Variants in TNIK observed in about 807,000 individuals in gnomAD.
TNIK encodes the protein TRAF2 and NCK interacting kinase, also known as TRAF2 and NCK-interacting protein kinase.
Under a neutral mutation model 191.3 loss-of-function variants are expected in TNIK, and 49 were observed. The ratio of observed to expected loss-of-function variants is 0.26; its 90% CI spans 0.20 to 0.32. The LOEUF is 0.32. TNIK is among the 10% of genes least tolerant of loss of function. The pLI is 1.00. For missense variants in TNIK, 1,155 were observed against 1,702.3 expected, an observed-to-expected ratio of 0.68 and a Z score of 5.66; for synonymous variants, 594 against 600.9, an observed-to-expected ratio of 0.99 and a Z score of 0.17.
chr3:171,390,041 G>A (rs1719264276), intron 1 of TNIK, among the ~76,000 whole-genome samples: 1 of 152,148 alleles, frequency 6.6e-6, no homozygotes, highest in Non-Finnish European at 1.5e-5. Flanking sequence ...GTGACAAGGT[G>A]GTCCTGACTA....
intron 1 of TNIK, among the ~76,000 whole-genome samples, chr3:171,450,193 C>T (rs1203480058): frequency 1.3e-5 from 2 of 152,126 alleles, no homozygotes; most frequent in African/African-American, 4.8e-5. Context: ...CTACAGGTGG[C>T]CTCTTTGCAC....
chr3:171,136,165 A>G (rs1293235849), intron 15 of TNIK, among the ~76,000 whole-genome samples: 1 of 152,200 alleles, frequency 6.6e-6, no homozygotes, highest in Non-Finnish European at 1.5e-5. Context: ...ATCTTTTCCA[A>G]TGGGATCTGT....
intron 12 of TNIK, among the ~76,000 whole-genome samples, chr3:171,150,768 C>T (rs951701217): frequency 1.3e-5 from 2 of 152,150 alleles, no homozygotes; most frequent in Non-Finnish European, 2.9e-5. Context: ...GCCAGGACTG[C>T]AGGCTAACTC....
At chr3:171,428,974 C>T (rs1725002967) in intron 1 of TNIK, among the ~76,000 whole-genome samples, 1 of 152,162 alleles carries the variant, frequency 6.6e-6, no homozygotes, top group Non-Finnish European at 1.5e-5. Context: ...TCTCTAGCAC[C>T]CAGTTCAGTG....
chr3:171,293,527 C>T (rs1751924015), intron 2 of TNIK, among the ~76,000 whole-genome samples: 3 of 152,148 alleles, frequency 2.0e-5, no homozygotes, highest in Admixed American at 2.0e-4. Context: ...CCAAGCAATG[C>T]ATCTCAGTTT....
intron 2 of TNIK, among the ~76,000 whole-genome samples, chr3:171,314,304 C>G (rs971079835): frequency 6.6e-5 from 10 of 152,122 alleles, no homozygotes; most frequent in African/African-American, 2.4e-4. Flanking sequence ...CTGGCCTTCC[C>G]CCTCTGCCTA....
intron 17 of TNIK, 136 bp downstream of exon 17, chr3:171,125,776 G>A: frequency 7.5e-7 from 1 of 1,329,764 alleles, no homozygotes; most frequent in Non-Finnish European, 1.0e-6. Flanking sequence ...GGAATGAAGA[G>A]GGACCAAAAC....
Position 171,108,177 on chromosome 3 carries a change from C to A in TNIK, c.2285-15G>T, listed in dbSNP as rs1725256531. 3 of 1,524,452 alleles carry A rather than the reference C, an allele frequency of 2.0e-6. No homozygotes were observed. Among genetic ancestry groups the A allele is most frequent in the Non-Finnish European group, 2.6e-6 (3 of 1,136,842 alleles). The allele number at this position is 1,524,452 out of a possible 1,614,324, so 94.4% of individuals were successfully genotyped here. A position where few individuals can be genotyped will look rare whatever the true frequency, so the allele number is the denominator to read the frequency against. ...CTTACTGTTGGCTAGAGGAAAAAAACAGAGGACCAAGAAAGAGATGGCCAT... is the reference window on the plus strand; with the variant it reads ...CTTACTGTTGGCTAGAGGAAAAAAAAAGAGGACCAAGAAAGAGATGGCCAT... On this transcript the variant is annotated splice_polypyrimidine_tract_variant and intron_variant, in intron 19 of 32. Coordinates refer to ENST00000436636, the MANE Select transcript of TNIK (RefSeq NM_015028.4).
chr3:171,442,042 A>G (rs552552955), intron 1 of TNIK, among the ~76,000 whole-genome samples: 1 of 152,324 alleles, frequency 6.6e-6, no homozygotes, highest in South Asian at 2.1e-4. Context: ...TGATCATAGA[A>G]ATTTTAACCA....
At position 171,117,753 on chromosome 3, in the gene TNIK, G is replaced by A. The variant is rs189432278; in HGVS notation, c.2120+5843C>T. Reference sequence around the variant, plus strand: ...TGGGAGGCCGAGACAGGTGGATCACGAGGTCAGGAGATCGAGATCATCCTG... The same window carrying A: ...TGGGAGGCCGAGACAGGTGGATCACAAGGTCAGGAGATCGAGATCATCCTG... On this transcript the variant is annotated intron_variant, in intron 18 of 32. Coordinates refer to ENST00000436636, the MANE Select transcript of TNIK (RefSeq NM_015028.4). 8.7e-3 allele frequency among the ~76,000 whole-genome samples: 1,327 copies of A among 152,180 alleles called. 15 individuals carry two copies. Among genetic ancestry groups the A allele is most frequent in the Non-Finnish European group, 0.013 (907 of 68,004 alleles).
At chr3:171,344,773 T>A (rs146060559) in intron 2 of TNIK, among the ~76,000 whole-genome samples, 60 of 152,220 alleles carry the variant, frequency 3.9e-4, no homozygotes, top group African/African-American at 1.4e-3. Flanking sequence ...GATCCCCATT[T>A]AATTACAACA....
intron 22 of TNIK, among the ~76,000 whole-genome samples, chr3:171,095,721 A>AG (rs1576791693): frequency 6.6e-6 from 1 of 152,196 alleles, no homozygotes. Flanking sequence ...AAAAAATGAC[A>AG]GGGGGAGTCC....
At chr3:171,206,789 A>C (rs968421401) in intron 4 of TNIK, among the ~76,000 whole-genome samples, 1 of 152,158 alleles carries the variant, frequency 6.6e-6, no homozygotes, top group African/African-American at 2.4e-5. Flanking sequence ...GATCTGCAAA[A>C]GGGCGAAAAA....
chr3:171,105,427 T>G (rs1238154638), intron 21 of TNIK, among the ~76,000 whole-genome samples: 1 of 152,084 alleles, frequency 6.6e-6, no homozygotes, highest in African/African-American at 2.4e-5. Context: ...TTGCCAAATG[T>G]CTCCTAAGGG....
At chr3:171,157,898 G>C (rs761160414) in intron 11 of TNIK, among the ~76,000 whole-genome samples, 1 of 152,196 alleles carries the variant, frequency 6.6e-6, no homozygotes, top group Admixed American at 6.5e-5. Context: ...TCCATCCATA[G>C]AGGGATGTCA....
chr3:171,408,317 C>G (rs1560034622), intron 1 of TNIK, among the ~76,000 whole-genome samples: 1 of 152,082 alleles, frequency 6.6e-6, no homozygotes. Context: ...TTTATGGAAG[C>G]CCTGACTTTC....
chr3:171,444,878 T>G (rs955157919), intron 1 of TNIK, among the ~76,000 whole-genome samples: 2 of 152,096 alleles, frequency 1.3e-5, no homozygotes, highest in Non-Finnish European at 2.9e-5. Context: ...GCTTTTCTTT[T>G]TTATTTTATT....
intron 2 of TNIK, among the ~76,000 whole-genome samples, chr3:171,233,359 GA>G (rs1416228502): frequency 2.0e-4 from 30 of 149,234 alleles, no homozygotes; most frequent in African/African-American, 7.1e-4. Context: ...AATCAAAATG[GA>G]AAAAAAAAGC....
chr3:171,132,965 C>G (rs1729513711), intron 15 of TNIK, among the ~76,000 whole-genome samples: 2 of 152,120 alleles, frequency 1.3e-5, no homozygotes, highest in Non-Finnish European at 2.9e-5. Context: ...GAGAAAGAAG[C>G]CAGTAAGTAA....
Sources: gnomAD v4.1 joint callset for allele counts (sites outside exome capture counted in the v4.1 genomes callset) on GRCh38, gnomAD v4.1.1 for gene constraint, MANE v1.5 for transcripts, NCBI Gene and HGNC (gene_info 2026-07-23, HGNC 2026-07-21) for gene names.